STAG1: variants seen among roughly 807,000 people sequenced by gnomAD.
The protein encoded by STAG1 is STAG1 cohesin complex component.
In STAG1, 26 loss-of-function variants were observed where a neutral mutation model predicts 170.9. The observed-to-expected ratio is 0.15, with a 90% CI of 0.11 to 0.21. STAG1 has a LOEUF of 0.21. Ranked by LOEUF, STAG1 falls within the 10% of genes least tolerant of loss-of-function variation. STAG1 has a pLI of 1.00. For missense variants in STAG1, 964 were observed against 1,509.5 expected (o/e 0.64, Z 5.99); for synonymous variants, 514 against 497.7 (o/e 1.03, Z -0.44).
chr3:136,431,464 G>A (rs139508407), intron 16 of STAG1, among the ~76,000 whole-genome samples: 31 of 151,922 alleles, frequency 2.0e-4, no homozygotes, highest in Non-Finnish European at 3.5e-4. Context: ...GTAGAGATAG[G>A]GTTTCCCATG....
In STAG1 at chr3:136,443,932, C is replaced by T. The variant is rs563507257; in HGVS notation, c.1429-528G>A. Among the ~76,000 whole-genome samples the T allele has an allele frequency of 5.3e-5, 8 of 152,238 alleles. No individual in the cohort carries two copies. In the South Asian group the frequency reaches 1.5e-3, roughly 28 times the overall value. ...GGACTCATTTCATTCCTTACTCCAC[C>T]CCCATTTTCTGTTGGTCATTATTCT... On this transcript the variant is annotated intron_variant, in intron 14 of 33. Transcript: ENST00000383202.
intron 3 of STAG1, among the ~76,000 whole-genome samples, chr3:136,621,508 T>C (rs188879392): frequency 6.6e-6 from 1 of 152,270 alleles, no homozygotes; most frequent in East Asian, 1.9e-4. Context: ...TGCAAAACTC[T>C]CACTTTTCCC....
At chr3:136,581,817 C>A (rs2065308587) in intron 4 of STAG1, among the ~76,000 whole-genome samples, 1 of 151,938 alleles carries the variant, frequency 6.6e-6, no homozygotes, top group African/African-American at 2.4e-5. Flanking sequence ...CACATATATT[C>A]AAGGAATATC....
intron 6 of STAG1, among the ~76,000 whole-genome samples, chr3:136,523,467 C>T (rs538275279): frequency 6.6e-6 from 1 of 152,170 alleles, no homozygotes; most frequent in African/African-American, 2.4e-5. Context: ...TGGATATTAG[C>T]CTTTTGTCAG....
At chr3:136,401,958 G>A (rs761214749) in intron 21 of STAG1, among the ~76,000 whole-genome samples, 1 of 151,858 alleles carries the variant, frequency 6.6e-6, no homozygotes, top group East Asian at 1.9e-4. Context: ...TGGTCAGGCT[G>A]GTCTCTAACT....
At chr3:136,417,835 GA>G in intron 21 of STAG1, 49 bp downstream of exon 21, 1 of 1,475,114 alleles carries the variant, frequency 6.8e-7, no homozygotes, top group Non-Finnish European at 9.5e-7. Context: ...TATGACTTCA[GA>G]AAAACAACTT....
intron 1 of STAG1, among the ~76,000 whole-genome samples, chr3:136,657,200 T>C (rs1482218809): frequency 7.0e-6 from 1 of 143,096 alleles, no homozygotes; most frequent in Non-Finnish European, 1.5e-5. Context: ...TTTTTTTTTT[T>C]TTTTTTTTTT....
chr3:136,748,213 A>G (rs912977017), intron 1 of STAG1, among the ~76,000 whole-genome samples: 1 of 151,770 alleles, frequency 6.6e-6, no homozygotes, highest in Admixed American at 6.5e-5. Flanking sequence ...CAGCCTGGCC[A>G]ACAAGGTGAA....
At chr3:136,545,757 G>C (rs904232657) in intron 5 of STAG1, among the ~76,000 whole-genome samples, 2 of 151,674 alleles carry the variant, frequency 1.3e-5, no homozygotes, top group Non-Finnish European at 2.9e-5. Flanking sequence ...ATACATTTTT[G>C]ATACTTATAA....
chr3:136,714,872 G>A (rs1169345038), intron 1 of STAG1, among the ~76,000 whole-genome samples: 7 of 140,058 alleles, frequency 5.0e-5, no homozygotes, highest in Non-Finnish European at 9.1e-5. Flanking sequence ...TTATGCCACT[G>A]CACTCCAGCC....
At chr3:136,350,264 CTCTA>C (rs575691943) in intron 28 of STAG1, among the ~76,000 whole-genome samples, 7 of 152,300 alleles carry the variant, frequency 4.6e-5, no homozygotes, top group East Asian at 3.9e-4. Context: ...ATTTTAGAAA[CTCTA>C]TCTAGTCCAG....
intron 1 of STAG1, among the ~76,000 whole-genome samples, chr3:136,659,741 C>T (rs191403498): frequency 1.1e-3 from 170 of 152,256 alleles, no homozygotes; most frequent in African/African-American, 2.3e-3. Context: ...ACGTGCAAAA[C>T]TGATACAGTA....
intron 7 of STAG1, among the ~76,000 whole-genome samples, chr3:136,513,609 T>A (rs959110744): frequency 2.0e-5 from 3 of 152,098 alleles, no homozygotes; most frequent in Non-Finnish European, 4.4e-5. Flanking sequence ...GCACTGGACT[T>A]CTCAACAGCA....
chr3:136,646,445 CATT>C (rs765497990), intron 1 of STAG1, among the ~76,000 whole-genome samples: 10 of 152,150 alleles, frequency 6.6e-5, no homozygotes, highest in Non-Finnish European at 1.0e-4. Context: ...ATAATTAAGT[CATT>C]AGTTATGAAT....
intron 16 of STAG1, among the ~76,000 whole-genome samples, chr3:136,425,947 G>A (rs561828019): frequency 6.3e-4 from 95 of 151,062 alleles, no homozygotes; most frequent in African/African-American, 2.3e-3. Flanking sequence ...TGTCATTCTT[G>A]TTTCATTAAT....
At chr3:136,393,134 C>T (rs536342683) in intron 22 of STAG1, among the ~76,000 whole-genome samples, 4 of 152,038 alleles carry the variant, frequency 2.6e-5, no homozygotes, top group East Asian at 1.9e-4. Context: ...AATTACTTTA[C>T]GTAACAAACT....
Position 136,540,735 on chromosome 3 carries a change from C to T in STAG1, c.471+1384G>A, listed in dbSNP as rs1038478454. 6.6e-5 allele frequency among the ~76,000 whole-genome samples: 9 copies of T among 136,396 alleles called. No homozygotes were observed. In the East Asian group the frequency reaches 1.9e-3, roughly 29 times the overall value. The allele number at this position is 136,396 out of a possible 152,430, so 89.5% of individuals were successfully genotyped here. A position where few individuals can be genotyped will look rare whatever the true frequency, so the allele number is the denominator to read the frequency against. On this transcript the variant is annotated intron_variant, in intron 6 of 33. Transcript: ENST00000383202. ...TACTTGGGAGGCTGAGGCATGAGAACTGCTTGAACCGGGGAGGTAGAGGTT... is the reference window on the plus strand; with the variant it reads ...TACTTGGGAGGCTGAGGCATGAGAATTGCTTGAACCGGGGAGGTAGAGGTT...
At chr3:136,744,066 G>A (rs1018102080) in intron 1 of STAG1, among the ~76,000 whole-genome samples, 36 of 152,170 alleles carry the variant, frequency 2.4e-4, no homozygotes, top group African/African-American at 6.8e-4. Flanking sequence ...CGTGGCTCAC[G>A]CCTGTAATCC....
At chr3:136,559,589 CTG>C (rs1028129582) in intron 5 of STAG1, among the ~76,000 whole-genome samples, 1 of 152,150 alleles carries the variant, frequency 6.6e-6, no homozygotes, top group African/African-American at 2.4e-5. Context: ...GGTGCCCAAA[CTG>C]TGCACTGAGA....
Sources: allele counts gnomAD v4.1 joint callset (sites outside exome capture counted in the v4.1 genomes callset), GRCh38; gene constraint gnomAD v4.1.1; transcripts MANE v1.5; gene names NCBI Gene and HGNC (gene_info 2026-07-23, HGNC 2026-07-21).